The following TBC1D12 variants were observed in gnomAD, a reference collection of about 807,000 sequenced individuals.
The protein encoded by TBC1D12 is TBC1 domain family member 12.
A neutral mutation model predicts 86.7 loss-of-function variants in TBC1D12; 56 were observed. The ratio of observed to expected loss-of-function variants is 0.65; its 90% confidence interval spans 0.52 to 0.81. TBC1D12 has a LOEUF of 0.81. Ranked by LOEUF, TBC1D12 falls within the 30% of genes least tolerant of loss-of-function variation. The pLI is 0.00. For missense variants in TBC1D12, 1,023 were observed against 1,038.8 expected (o/e 0.98, Z 0.21); for synonymous variants, 421 against 411.7 (o/e 1.02, Z -0.27).
intron 2 of TBC1D12, among the ~76,000 whole-genome samples, chr10:94,459,806 G>A (rs1018030210): frequency 2.6e-5 from 4 of 152,300 alleles, no homozygotes; most frequent in Middle Eastern, 3.4e-3. Context: ...GGGGCTTGCC[G>A]AGCCCGCACC....
At chr10:94,495,838 T>G (rs2056312320) in intron 4 of TBC1D12, among the ~76,000 whole-genome samples, 1 of 152,106 alleles carries the variant, frequency 6.6e-6, no homozygotes, top group Admixed American at 6.6e-5. Flanking sequence ...ATGCGGTAGC[T>G]CACGCCTATA....
At chr10:94,511,727 T>C (rs1469188079) in intron 9 of TBC1D12, 73 bp downstream of exon 9, 14 of 1,015,602 alleles carry the variant, frequency 1.4e-5, no homozygotes, top group Admixed American at 7.9e-5. Context: ...TATCCTATGT[T>C]GTATTAGCTC....
intron 11 of TBC1D12, among the ~76,000 whole-genome samples, chr10:94,530,661 G>C (rs537509459): frequency 6.6e-6 from 1 of 152,194 alleles, no homozygotes; most frequent in African/African-American, 2.4e-5. Context: ...CCTGCTCAAG[G>C]TAACACAACT....
chr10:94,414,633 T>C (rs1311147992), intron 1 of TBC1D12, among the ~76,000 whole-genome samples: 1 of 144,810 alleles, frequency 6.9e-6, no homozygotes, highest in Non-Finnish European at 1.5e-5. Flanking sequence ...GGAGTCTCGC[T>C]CTGTCTCTCG....
At chr10:94,510,220 C>CT (rs1323902204) in intron 8 of TBC1D12, 41 bp downstream of exon 8, 2 of 1,388,398 alleles carry the variant, frequency 1.4e-6, no homozygotes, top group South Asian at 2.7e-5. Flanking sequence ...TAAAAAAAAT[C>CT]TATCAATATC....
In TBC1D12 at chr10:94,511,630, A is replaced by G. The variant is rs549963786; in HGVS notation, c.1737A>G (p.Thr579=). ...DVLHSILGAY[T]CYRPDVGYVQ... is the part of the protein sequence containing the mutation. ...TGCATAGTATTTTAGGGGCATACAC[A>G]TGCTACAGGCCTGATGTTGGTTATG... is the stretch of plus-strand genomic sequence containing the variant. The change falls in exon 9 of 13, where the codon ACA becomes ACG. Residue 579 remains threonine, a synonymous_variant. Transcript: ENST00000225235. 1.9e-6 allele frequency: 3 copies of G among 1,612,924 alleles called. No homozygotes were observed. Among genetic ancestry groups the G allele is most frequent in the Non-Finnish European group, 2.5e-6 (3 of 1,179,292 alleles).
At chr10:94,465,790 ATACG>A (rs560828684) in intron 2 of TBC1D12, among the ~76,000 whole-genome samples, 8 of 136,842 alleles carry the variant, frequency 5.8e-5, no homozygotes, top group South Asian at 2.2e-4. Context: ...ATACATACAT[ATACG>A]CATACATACA....
intron 2 of TBC1D12, among the ~76,000 whole-genome samples, chr10:94,460,521 A>G (rs2055710089): frequency 6.7e-6 from 1 of 148,988 alleles, no homozygotes; most frequent in African/African-American, 2.5e-5. Flanking sequence ...GCCTTTGAAG[A>G]TTTTTTGATT....
chr10:94,415,304 C>T (rs1589601032), intron 1 of TBC1D12, among the ~76,000 whole-genome samples: 1 of 152,302 alleles, frequency 6.6e-6, no homozygotes, highest in East Asian at 1.9e-4. Context: ...TTAACTCCCC[C>T]AACCCCTCAT....
chr10:94,500,339 A>G lies in TBC1D12; in HGVS notation c.1519+12A>G, dbSNP rs1389145795. On this transcript the variant is annotated intron_variant, in intron 6 of 12. Coordinates refer to ENST00000225235, the MANE Select transcript of TBC1D12 (RefSeq NM_015188.2). ...AAATATCACTCCTGGTTTGTATTCT[A>G]CGTTCAGTTATTCCCACATGTACAA... is the stretch of plus-strand genomic sequence containing the variant. The G allele has an allele frequency of 1.9e-6, 3 of 1,607,334 alleles. No individual in the cohort carries two copies. The highest frequency in any genetic ancestry group is 1.7e-5 in the Admixed American group (1 of 59,348).
intron 9 of TBC1D12, among the ~76,000 whole-genome samples, chr10:94,515,079 T>C (rs569611288): frequency 2.7e-5 from 4 of 150,368 alleles, no homozygotes; most frequent in Non-Finnish European, 4.4e-5. Flanking sequence ...GGCTAATTTT[T>C]TGTATTTTTA....
chr10:94,409,695 A>G (rs2134048118), intron 1 of TBC1D12, among the ~76,000 whole-genome samples: 1 of 152,174 alleles, frequency 6.6e-6, no homozygotes, highest in East Asian at 1.9e-4. Flanking sequence ...TTTTTACTAC[A>G]CACTTGTAAG....
chr10:94,427,754 C>T (rs2134070418), intron 1 of TBC1D12, among the ~76,000 whole-genome samples: 1 of 147,364 alleles, frequency 6.8e-6, no homozygotes, highest in East Asian at 2.0e-4. Flanking sequence ...ATTGCTTGTA[C>T]CTGGGAGGCG....
intron 2 of TBC1D12, among the ~76,000 whole-genome samples, chr10:94,460,560 G>A (rs149575626): frequency 2.6e-5 from 4 of 151,394 alleles, no homozygotes; most frequent in East Asian, 3.9e-4. Context: ...ATATGATATG[G>A]CTAGAAGTAG....
chr10:94,410,983 A>G (rs1025869877), intron 1 of TBC1D12, among the ~76,000 whole-genome samples: 6 of 152,192 alleles, frequency 3.9e-5, no homozygotes, highest in African/African-American at 1.4e-4. Context: ...GTTAAATACT[A>G]CAAATGTGAA....
chr10:94,482,739 G>A (rs913595894), intron 3 of TBC1D12, among the ~76,000 whole-genome samples: 27 of 152,042 alleles, frequency 1.8e-4, no homozygotes, highest in African/African-American at 6.5e-4. Context: ...CATGAGCCAC[G>A]GTGCCTGGCC....
intron 6 of TBC1D12, among the ~76,000 whole-genome samples, chr10:94,501,899 C>T (rs534698778): frequency 5.3e-5 from 8 of 152,112 alleles, no homozygotes; most frequent in Admixed American, 4.6e-4. Context: ...CATGGTGGCT[C>T]ATGCCTGTAG....
At position 94,470,899 on chromosome 10, in the gene TBC1D12, C is replaced by T. The variant is rs1284808128; in HGVS notation, c.1096-3769C>T. On this transcript the variant is annotated intron_variant, in intron 2 of 12. Transcript: ENST00000225235. ...TTATTATTACTCTAGAAATTTACAG[C>T]ACTTTTATGACAAGGATGTATGTGG... Among the ~76,000 whole-genome samples, 2 of 151,962 alleles carry T rather than the reference C, an allele frequency of 1.3e-5. 1 individual carries two copies. Among genetic ancestry groups the T allele is most frequent in the Non-Finnish European group, 2.9e-5 (2 of 67,998 alleles).
At chr10:94,529,425 C>T (rs895589441) in intron 11 of TBC1D12, among the ~76,000 whole-genome samples, 3 of 152,128 alleles carry the variant, frequency 2.0e-5, no homozygotes, top group African/African-American at 7.2e-5. Flanking sequence ...TCGAGACCAG[C>T]CTGACCAACA....
Sources: gnomAD v4.1 joint callset for allele counts (sites outside exome capture counted in the v4.1 genomes callset) on GRCh38, gnomAD v4.1.1 for gene constraint, MANE v1.5 for transcripts, NCBI Gene and HGNC (gene_info 2026-07-23, HGNC 2026-07-21) for gene names.